PTPRN2: variants seen among roughly 807,000 people sequenced by gnomAD.
PTPRN2 encodes the protein protein tyrosine phosphatase receptor type N2, also known as receptor-type tyrosine-protein phosphatase N2.
Under a neutral mutation model 118.8 loss-of-function variants are expected in PTPRN2, and 74 were observed. The observed-to-expected ratio is 0.62, with a 90% CI of 0.52 to 0.76. The LOEUF is 0.76. PTPRN2 is among the 30% of genes least tolerant of loss of function. PTPRN2 has a pLI of 0.00. For synonymous variants in PTPRN2, 641 were observed against 608.0 expected, an observed-to-expected ratio of 1.05 and a Z score of -0.80; for missense variants, 1,481 against 1,394.4, an observed-to-expected ratio of 1.06 and a Z score of -0.99.
At chr7:158,164,322 A>G (rs112230947) in intron 6 of PTPRN2, among the ~76,000 whole-genome samples, 74 of 125,882 alleles carry the variant, frequency 5.9e-4, no homozygotes, top group African/African-American at 2.1e-3. Context: ...CGCGTGCGTA[A>G]GAAGGGCACG....
chr7:158,446,569 C>T (rs954461040), intron 2 of PTPRN2, among the ~76,000 whole-genome samples: 5 of 152,286 alleles, frequency 3.3e-5, no homozygotes, highest in Admixed American at 3.3e-4. Flanking sequence ...CCGCCCCCGG[C>T]GGGCAGACCC....
At chr7:158,057,401 A>G (rs1315313338) in intron 11 of PTPRN2, among the ~76,000 whole-genome samples, 1 of 152,230 alleles carries the variant, frequency 6.6e-6, no homozygotes, top group Admixed American at 6.5e-5. Flanking sequence ...GCAAAGCCCA[A>G]TGATGATGGT....
chr7:158,365,836 G>GTGCA (rs1554480253), intron 2 of PTPRN2, among the ~76,000 whole-genome samples: 3 of 14,740 alleles, frequency 2.0e-4, no homozygotes, highest in Non-Finnish European at 1.1e-3. Context: ...GTGCATGCGT[G>GTGCA]CACACACACA....
At chr7:158,055,709 T>C (rs550199999) in intron 11 of PTPRN2, among the ~76,000 whole-genome samples, 60 of 152,334 alleles carry the variant, frequency 3.9e-4, no homozygotes, top group African/African-American at 1.4e-3. Context: ...CCCTGTCCAG[T>C]GGACACGTAA....
rs1484088248 is a variant in PTPRN2 at position 157,784,962 on chromosome 7, A to G, written c.1789-102025T>C. ...CAGGTGAGCAGTGGGGCTGGAGAGG[A>G]GAGCAGAGGGAGCCGAGGCCCTCTG... is the stretch of plus-strand genomic sequence containing the variant. On this transcript the variant is annotated intron_variant, in intron 12 of 22. Coordinates refer to ENST00000389418, the MANE Select transcript of PTPRN2 (RefSeq NM_002847.5). This position sits in a 1 kb window ranked among gnomAD's most constrained non-coding sequence, Gnocchi z 4.6. Among the ~76,000 whole-genome samples the G allele has an allele frequency of 6.6e-6, 1 of 151,992 alleles. No homozygotes were observed. The highest frequency in any genetic ancestry group is 1.5e-5 in the Non-Finnish European group (1 of 67,996).
intron 2 of PTPRN2, among the ~76,000 whole-genome samples, chr7:158,416,825 T>A (rs1011798291): frequency 1.3e-5 from 2 of 152,028 alleles, no homozygotes; most frequent in Admixed American, 6.6e-5. Flanking sequence ...CCAGGGGAAA[T>A]GGGGCAATAA....
rs562893626 is a variant in PTPRN2, at chr7:158,134,963, G to A, written c.1174-904C>T. Among the ~76,000 whole-genome samples, 10 of 152,208 alleles carry A rather than the reference G, an allele frequency of 6.6e-5. No individual in the cohort carries two copies. The South Asian group carries it at 2.1e-3, about 32-fold the overall frequency. Reference sequence around the variant, plus strand: ...GAACTCAGGTCTAAGGGCCATCAAAGACATGATCTCCACCCCTGGGCCGCA... The same window carrying A: ...GAACTCAGGTCTAAGGGCCATCAAAAACATGATCTCCACCCCTGGGCCGCA... On this transcript the variant is annotated intron_variant, in intron 8 of 22. Transcript: ENST00000389418.
intron 11 of PTPRN2, among the ~76,000 whole-genome samples, chr7:157,941,648 A>C (rs774611481): frequency 6.6e-6 from 1 of 152,334 alleles, no homozygotes; most frequent in Non-Finnish European, 1.5e-5. Context: ...ACGTCCATGC[A>C]TGTGTATAAA....
At chr7:157,642,839 A>AAAAAAAAAAAAAAC (rs1563293062) in intron 14 of PTPRN2, among the ~76,000 whole-genome samples, 3 of 148,344 alleles carry the variant, frequency 2.0e-5, no homozygotes, top group African/African-American at 4.9e-5. Flanking sequence ...AAAAAAAAAA[A>AAAAAAAAAAAAAAC]AAAAAGCAGC....
At chr7:157,991,979 C>A (rs527260935) in intron 11 of PTPRN2, among the ~76,000 whole-genome samples, 2 of 152,312 alleles carry the variant, frequency 1.3e-5, no homozygotes, top group African/African-American at 4.8e-5. Context: ...CAGGCCAGCA[C>A]AGGCACAGCC....
intron 4 of PTPRN2, among the ~76,000 whole-genome samples, chr7:158,194,164 A>T (rs980652338): frequency 6.6e-6 from 1 of 152,000 alleles, no homozygotes; most frequent in African/African-American, 2.4e-5. Flanking sequence ...TGAGTGTGTG[A>T]GGGGTGTGAG....
chr7:158,341,988 A>C (rs1334611387), intron 2 of PTPRN2, among the ~76,000 whole-genome samples: 2 of 147,198 alleles, frequency 1.4e-5, no homozygotes, highest in East Asian at 2.1e-4. Flanking sequence ...CACTCTCACC[A>C]TAAGAGGTGA....
chr7:158,211,800 G>A (rs1471761782), intron 3 of PTPRN2, among the ~76,000 whole-genome samples: 2 of 152,198 alleles, frequency 1.3e-5, no homozygotes, highest in Non-Finnish European at 2.9e-5. Context: ...ATTATGGAGA[G>A]TAGTTTGGAG....
intron 14 of PTPRN2, among the ~76,000 whole-genome samples, chr7:157,649,011 T>C (rs370096379): frequency 0.043 from 1,807 of 41,564 alleles, no homozygotes; most frequent in Admixed American, 0.064. Flanking sequence ...GTGGGTCGGA[T>C]CCATTCACTG....
intron 3 of PTPRN2, among the ~76,000 whole-genome samples, chr7:158,216,959 A>G (rs1365669393): frequency 3.3e-5 from 5 of 152,236 alleles, no homozygotes; most frequent in Non-Finnish European, 7.3e-5. Context: ...GAAATATAAC[A>G]ACATGTTATA....
chr7:158,527,737 C>G (rs1824896767), intron 1 of PTPRN2, among the ~76,000 whole-genome samples: 1 of 152,122 alleles, frequency 6.6e-6, no homozygotes, highest in Admixed American at 6.5e-5. Context: ...TCACCGTGAC[C>G]TCTGCAGAGA....
chr7:157,639,069 C>T (rs1328900802), intron 14 of PTPRN2, among the ~76,000 whole-genome samples: 1 of 151,048 alleles, frequency 6.6e-6, no homozygotes, highest in Non-Finnish European at 1.5e-5. Context: ...CAGAGTCTTG[C>T]TCTGTGGCCC....
intron 12 of PTPRN2, among the ~76,000 whole-genome samples, chr7:157,727,064 C>T (rs1460416385): frequency 6.6e-6 from 1 of 152,190 alleles, no homozygotes; most frequent in East Asian, 1.9e-4. Flanking sequence ...CTAGGGAGAA[C>T]AGGGTGGCGG....
intron 1 of PTPRN2, chr7:158,541,867 G>A (rs188431595): frequency 9.1e-6 from 4 of 440,184 alleles, no homozygotes; most frequent in East Asian, 3.1e-4. Flanking sequence ...TCCAATTCAG[G>A]GAGCTCAGAA....
Sources: allele counts gnomAD v4.1 joint callset (sites outside exome capture counted in the v4.1 genomes callset), GRCh38; gene constraint gnomAD v4.1.1; non-coding constraint Gnocchi (gnomAD v3.1); transcripts MANE v1.5; gene names NCBI Gene and HGNC (gene_info 2026-07-23, HGNC 2026-07-21).